The following MBD3L1 variants were observed in gnomAD, a reference collection of about 807,000 sequenced individuals.
The protein encoded by MBD3L1 is methyl-CpG binding domain protein 3 like 1.
For synonymous variants in MBD3L1, 84 were observed against 85.1 expected, an observed-to-expected ratio of 0.99 and a Z score of 0.07; for missense variants, 203 against 230.1, an observed-to-expected ratio of 0.88 and a Z score of 0.76.
In MBD3L1 at chr19:8,835,767, A is replaced by G. The variant is rs192062955; in HGVS notation, c.-107+3245A>G. Among the ~76,000 whole-genome samples, 12 of 152,360 alleles carry G rather than the reference A, an allele frequency of 7.9e-5. 1 individual carries two copies. Among genetic ancestry groups the G allele is most frequent in the Admixed American group, 7.8e-4 (12 of 15,294 alleles). On this transcript the variant is annotated intron_variant, in intron 1 of 2. Coordinates refer to ENST00000595891, the MANE Select transcript of MBD3L1 (RefSeq NM_001393532.1). ...TATACATAATAGCCCAAAATTTTGT[A>G]TGTCCCAAATATCAGTCAACTGATG...
rs1453777459 is a variant in MBD3L1, at chr19:8,843,026, C to T, written c.348C>T (p.Ser116=). Residue 116 remains serine, a synonymous_variant, in exon 3 of 3, where the codon TCC becomes TCT. Coordinates refer to ENST00000595891, the MANE Select transcript of MBD3L1 (RefSeq NM_001393532.1). ...ATCTTGCCAGTGGTCTGGAGCACTC[C>T]TGCCCCATGCCCCACCTTGCCTGCT... ...LEDLASGLEH[S]CPMPHLACSS... is the part of the protein sequence containing the mutation. 6.2e-7 allele frequency: 1 copy of T among 1,614,060 alleles called. No homozygotes were observed. Among genetic ancestry groups the T allele is most frequent in the African/African-American group, 1.3e-5 (1 of 74,940 alleles).
In MBD3L1 at chr19:8,832,471, T is replaced by A. The variant is rs1179371763; in HGVS notation, c.-158T>A. ...ACCCCAGCCTTGGGCAGAGGTGTTC[T>A]AGTTTGCTTAGTGGGCACAAAGTTG... is the stretch of plus-strand genomic sequence containing the variant. On this transcript the variant is annotated 5_prime_UTR_variant, in exon 1 of 3. Coordinates refer to ENST00000595891, the MANE Select transcript of MBD3L1 (RefSeq NM_001393532.1). The A allele has an allele frequency of 6.6e-6, 1 of 152,608 alleles. No individual in the cohort carries two copies. The highest frequency in any genetic ancestry group is 2.4e-5 in the African/African-American group (1 of 41,460). The allele number at this position is 152,608 out of a possible 1,614,324, so 9.5% of individuals were successfully genotyped here.
At chr19:8,836,707 G>T (rs946977703) in intron 1 of MBD3L1, among the ~76,000 whole-genome samples, 2 of 152,186 alleles carry the variant, frequency 1.3e-5, no homozygotes, top group Non-Finnish European at 2.9e-5. Flanking sequence ...ACAGAGGCTA[G>T]TCTCGAACTC....
In MBD3L1 at chr19:8,842,569, G is replaced by A; in HGVS notation, c.-21-89G>A. On this transcript the variant is annotated intron_variant, in intron 2 of 2. Transcript: ENST00000595891. The stretch of plus-strand genomic sequence containing the variant: ...CCTATCCCCAGAGGGAGAGAGGAAG[G>A]ATGAAAGTCCAGAACAGCTGAGATC... The A allele has an allele frequency of 5.4e-6, 5 of 927,118 alleles. No homozygotes were observed. The South Asian group carries it at 8.7e-5, about 16-fold the overall frequency. 57.4% of individuals were successfully genotyped at this position (927,118 alleles called of 1,614,324 possible). A position where few individuals can be genotyped will look rare whatever the true frequency, so the allele number is the denominator to read the frequency against.
chr19:8,836,712 G>A (rs1032011195), intron 1 of MBD3L1, among the ~76,000 whole-genome samples: 1 of 152,062 alleles, frequency 6.6e-6, no homozygotes, highest in Admixed American at 6.6e-5. Context: ...GGCTAGTCTC[G>A]AACTCCTGAG....
intron 1 of MBD3L1, among the ~76,000 whole-genome samples, chr19:8,834,503 G>A (rs1268605683): frequency 6.6e-6 from 1 of 151,728 alleles, no homozygotes; most frequent in Non-Finnish European, 1.5e-5. Flanking sequence ...AGCTACTCGG[G>A]AGACTGAGGC....
chr19:8,842,720 C>T lies in MBD3L1; in HGVS notation c.42C>T (p.Asn14=). 2 of 1,614,172 alleles carry T rather than the reference C, an allele frequency of 1.2e-6. No individual in the cohort carries two copies. The highest frequency in any genetic ancestry group is 2.2e-5 in the East Asian group (1 of 44,892). The change falls in exon 3 of 3, where the codon AAC becomes AAT. Residue 14 remains asparagine (N), a synonymous_variant. Coordinates refer to ENST00000595891, the MANE Select transcript of MBD3L1 (RefSeq NM_001393532.1). Reference sequence around the variant, plus strand: ...AGAGGAAGCAACGTGACTGTGTAAACCAATGCAAATCAAAGCCTGGCTTGA... The same window carrying T: ...AGAGGAAGCAACGTGACTGTGTAAATCAATGCAAATCAAAGCCTGGCTTGA... The part of the protein sequence containing the change: ...SSQRKQRDCV[N]QCKSKPGLST...
At chr19:8,833,948 C>T (rs973583646) in intron 1 of MBD3L1, among the ~76,000 whole-genome samples, 1 of 151,850 alleles carries the variant, frequency 6.6e-6, no homozygotes, top group Non-Finnish European at 1.5e-5. Flanking sequence ...AGATTGCAGC[C>T]GGTGCACTCC....
chr19:8,841,455 C>T (rs8108883), intron 2 of MBD3L1, among the ~76,000 whole-genome samples: 55,150 of 151,996 alleles, frequency 0.36, 10,263 homozygotes, highest in African/African-American at 0.42. Flanking sequence ...CAGATACTTG[C>T]TCCTCAAGGT....
Position 8,842,742 on chromosome 19 carries a change from T to C in MBD3L1, c.64T>C (p.Leu22=). 1 of 1,614,238 alleles carries C rather than the reference T, an allele frequency of 6.2e-7. No homozygotes were observed. Residue 22 remains leucine (L), a synonymous_variant, in exon 3 of 3, where the codon TTG becomes CTG. Coordinates refer to ENST00000595891, the MANE Select transcript of MBD3L1 (RefSeq NM_001393532.1). ...AAACCAATGCAAATCAAAGCCTGGC[T>C]TGAGCACCTCAATCCCTTTGAGAAT... ...CVNQCKSKPG[L]STSIPLRMSS... is the part of the protein sequence containing the mutation.
chr19:8,837,477 G>A (rs2044466990), intron 1 of MBD3L1, among the ~76,000 whole-genome samples: 1 of 152,196 alleles, frequency 6.6e-6, no homozygotes, highest in South Asian at 2.1e-4. Flanking sequence ...TATCCATGTT[G>A]TAACCCACAA....
rs139548501 is a variant in MBD3L1, at chr19:8,843,112, A to C, written c.434A>C (p.Lys145Thr). 5.0e-5 allele frequency: 80 copies of C among 1,613,808 alleles called. No individual in the cohort carries two copies. The African/African-American group carries it at 6.7e-4, about 13-fold the overall frequency. The change falls in exon 3 of 3, where the codon AAA becomes ACA. Residue 145 changes from lysine (K) to threonine (T), a missense_variant. Lys to Thr is a moderately conservative substitution (Grantham distance 78). Coordinates refer to ENST00000595891, the MANE Select transcript of MBD3L1 (RefSeq NM_001393532.1). ...EGVGISQLLCKQFLVTEEDIR... is the reference protein window; with the variant it reads ...EGVGISQLLCTQFLVTEEDIR... ...GTGGGTATCTCGCAGCTCCTCTGCA[A>C]ACAATTTCTGGTTACTGAGGAAGAT... is the stretch of plus-strand genomic sequence containing the variant.
chr19:8,841,196 CTTTT>C (rs749536479), intron 2 of MBD3L1, among the ~76,000 whole-genome samples, 197 bp downstream of exon 2: 2 of 135,610 alleles, frequency 1.5e-5, no homozygotes, highest in Non-Finnish European at 3.2e-5. Flanking sequence ...CCAGCTAATT[CTTTT>C]TTTTTTTTTT....
At chr19:8,835,792 G>A (rs991857010) in intron 1 of MBD3L1, among the ~76,000 whole-genome samples, 2 of 152,160 alleles carry the variant, frequency 1.3e-5, no homozygotes, top group Non-Finnish European at 2.9e-5. Context: ...GTCAACTGAT[G>A]AATGGATAAA....
At chr19:8,838,235 A>G (rs1259477042) in intron 1 of MBD3L1, among the ~76,000 whole-genome samples, 2 of 128,408 alleles carry the variant, frequency 1.6e-5, no homozygotes, top group Admixed American at 1.7e-4. Flanking sequence ...CCTGGACGAC[A>G]GAGCAAGACT....
intron 2 of MBD3L1, among the ~76,000 whole-genome samples, chr19:8,842,344 T>A (rs1421592597): frequency 6.7e-6 from 1 of 149,336 alleles, no homozygotes; most frequent in Admixed American, 6.7e-5. Context: ...AGGCAAGATT[T>A]GAGATTTAGA....
intron 1 of MBD3L1, among the ~76,000 whole-genome samples, chr19:8,838,298 C>T (rs893106136): frequency 1.5e-4 from 18 of 116,436 alleles, no homozygotes; most frequent in African/African-American, 5.2e-4. Context: ...AGCAGCCCCA[C>T]TATCACCTTC....
At chr19:8,834,122 T>C (rs1042929430) in intron 1 of MBD3L1, among the ~76,000 whole-genome samples, 6 of 152,224 alleles carry the variant, frequency 3.9e-5, no homozygotes, top group South Asian at 2.1e-4. Context: ...ATGAATGATA[T>C]TGTTTCATGC....
intron 1 of MBD3L1, among the ~76,000 whole-genome samples, chr19:8,833,848 G>T (rs552962051): frequency 1.4e-4 from 22 of 152,080 alleles, no homozygotes; most frequent in African/African-American, 5.3e-4. Flanking sequence ...TTAGCCGGGC[G>T]TGGTGGCGGA....
Sources: gnomAD v4.1 joint callset for allele counts (sites outside exome capture counted in the v4.1 genomes callset) on GRCh38, gnomAD v4.1.1 for gene constraint, MANE v1.5 for transcripts, NCBI Gene and HGNC (gene_info 2026-07-23, HGNC 2026-07-21) for gene names.